Variants in ANKRD45 observed in about 807,000 individuals in gnomAD.
ANKRD45 encodes the protein ankyrin repeat domain 45, also known as ankyrin repeat domain-containing protein 45.
A neutral mutation model predicts 28.1 loss-of-function variants in ANKRD45; 21 were observed. That is an observed-to-expected ratio of 0.75 (90% CI 0.53 to 1.08). The LOEUF (loss-of-function observed/expected upper bound fraction) is 1.08, where lower values mean the gene tolerates loss of function less well. Ranked by LOEUF, ANKRD45 falls within the 50% of genes least tolerant of loss-of-function variation. The pLI is 0.00. For missense variants in ANKRD45, 261 were observed against 308.7 expected (o/e 0.85, Z 1.16); for synonymous variants, 86 against 103.9 (o/e 0.83, Z 1.05).
At chr1:173,701,938 TA>T in the ANKRD45 span, among the ~76,000 whole-genome samples, 1 of 152,118 alleles carries the variant, frequency 6.6e-6, no homozygotes, top group Non-Finnish European at 1.5e-5. Context: ...GAGTGAAAAT[TA>T]AAAATCAAAG....
At chr1:173,635,305 T>C (rs1668377178) in intron 3 of ANKRD45, 7 of 484,794 alleles carry the variant, frequency 1.4e-5, no homozygotes, top group Non-Finnish European at 2.6e-5. Flanking sequence ...ACTGATGATG[T>C]TACAATGATC....
chr1:173,653,005 T>G (rs191421711), intron 2 of ANKRD45, among the ~76,000 whole-genome samples: 1 of 152,264 alleles, frequency 6.6e-6, no homozygotes, highest in East Asian at 1.9e-4. Context: ...TTATTAGTCT[T>G]GTTAGCAGTC....
At chr1:173,636,995 TTAAAGAAGAAGAG>T in intron 3 of ANKRD45, 1 of 1,535,208 alleles carries the variant, frequency 6.5e-7, no homozygotes. Context: ...GCACTGCAAA[TTAAAGAAGAAGAG>T]TAAAGAAGAA....
At chr1:173,699,036 A>G in the ANKRD45 span, among the ~76,000 whole-genome samples, 12 of 152,192 alleles carry the variant, frequency 7.9e-5, no homozygotes, top group Non-Finnish European at 1.3e-4. Flanking sequence ...AGAGAATACT[A>G]TAAACACCTC....
intron 3 of ANKRD45, among the ~76,000 whole-genome samples, chr1:173,641,085 T>A (rs932779277): frequency 4.6e-5 from 7 of 152,162 alleles, no homozygotes; most frequent in Admixed American, 3.9e-4. Context: ...CAGTTTTAAA[T>A]CCCACACCAG....
intron 5 of ANKRD45, among the ~76,000 whole-genome samples, chr1:173,616,051 C>T (rs560568976): frequency 4.6e-5 from 7 of 151,248 alleles, no homozygotes; most frequent in Admixed American, 6.6e-5. Flanking sequence ...TGCAGTAAGC[C>T]GAGATCATGC....
At chr1:173,685,610 T>C in the ANKRD45 span, among the ~76,000 whole-genome samples, 1 of 152,186 alleles carries the variant, frequency 6.6e-6, no homozygotes, top group Non-Finnish European at 1.5e-5. Flanking sequence ...TGCCAAAGTT[T>C]GTTTTAAGTC....
At chr1:173,642,642 C>T (rs1220943718) in intron 3 of ANKRD45, among the ~76,000 whole-genome samples, 4 of 152,206 alleles carry the variant, frequency 2.6e-5, no homozygotes. Flanking sequence ...TAGATATTTG[C>T]CTGGGCATGC....
intron 5 of ANKRD45, among the ~76,000 whole-genome samples, chr1:173,621,537 C>A (rs1220213447): frequency 6.6e-6 from 1 of 152,070 alleles, no homozygotes; most frequent in African/African-American, 2.4e-5. Flanking sequence ...ATCACATAAG[C>A]AGAACTAAAG....
intron 2 of ANKRD45, among the ~76,000 whole-genome samples, chr1:173,650,409 T>C (rs1202701745): frequency 6.6e-6 from 1 of 152,220 alleles, no homozygotes; most frequent in Admixed American, 6.5e-5. Flanking sequence ...GCTTCATCCA[T>C]GTCCCTGCAC....
intron 3 of ANKRD45, among the ~76,000 whole-genome samples, chr1:173,628,165 GA>G (rs1211545528): frequency 6.6e-6 from 1 of 151,660 alleles, no homozygotes; most frequent in Non-Finnish European, 1.5e-5. Context: ...GTGAGACTCA[GA>G]GCCATGCTGG....
intron 3 of ANKRD45, among the ~76,000 whole-genome samples, chr1:173,638,888 A>G (rs1307818316): frequency 1.3e-5 from 2 of 152,188 alleles, no homozygotes; most frequent in Non-Finnish European, 2.9e-5. Context: ...CTACCAAACA[A>G]AAGTCAGGCC....
chr1:173,682,670 G>A, the ANKRD45 span, among the ~76,000 whole-genome samples: 6 of 127,300 alleles, frequency 4.7e-5, no homozygotes, highest in South Asian at 2.3e-4. Context: ...AAAAAACCAC[G>A]AAGGCCTTTT....
chr1:173,675,365 C>CT, the ANKRD45 span: 1 of 323,610 alleles, frequency 3.1e-6, no homozygotes. Context: ...GTAATCCCAG[C>CT]ACTTTGGGAG....
chr1:173,662,136 T>G (rs887322531), intron 1 of ANKRD45, among the ~76,000 whole-genome samples: 1 of 152,234 alleles, frequency 6.6e-6, no homozygotes, highest in East Asian at 1.9e-4. Flanking sequence ...AATACACAAA[T>G]GAATGGGTGT....
Position 173,624,765 on chromosome 1 carries a change from C to T in ANKRD45, c.730+22G>A, listed in dbSNP as rs1376826257. 1.9e-6 allele frequency: 3 copies of T among 1,600,008 alleles called. No individual in the cohort carries two copies. The East Asian group carries it at 6.7e-5, about 36-fold the overall frequency. The stretch of plus-strand genomic sequence containing the variant: ...ATTTTCATCCCTTCTGACATTCAAA[C>T]CACCTTTTATCCAAAACTTACATGG... On this transcript the variant is annotated intron_variant, in intron 5 of 5. Transcript: ENST00000333279.
chr1:173,666,740 C>T (rs1670036214), intron 1 of ANKRD45, among the ~76,000 whole-genome samples: 1 of 151,998 alleles, frequency 6.6e-6, no homozygotes, highest in African/African-American at 2.4e-5. Context: ...AGAACTCTAA[C>T]ACAAATAGCA....
the ANKRD45 span, among the ~76,000 whole-genome samples, chr1:173,682,720 C>CACACACACACACACACACAT: frequency 6.6e-6 from 1 of 150,682 alleles, no homozygotes; most frequent in Non-Finnish European, 1.5e-5. Flanking sequence ...CACACACACA[C>CACACACACACACACACACAT]ACATCTTGGA....
At chr1:173,682,724 T>A in the ANKRD45 span, among the ~76,000 whole-genome samples, 3 of 104,984 alleles carry the variant, frequency 2.9e-5, no homozygotes, top group African/African-American at 1.5e-4. Flanking sequence ...CACACACACA[T>A]CTTGGATGTT....
Sources: allele counts gnomAD v4.1 joint callset (sites outside exome capture counted in the v4.1 genomes callset), GRCh38; gene constraint gnomAD v4.1.1; transcripts MANE v1.5; gene names NCBI Gene and HGNC (gene_info 2026-07-23, HGNC 2026-07-21).